The following FCN3 variants were observed in gnomAD, a reference collection of about 807,000 sequenced individuals.
FCN3 encodes the protein ficolin 3, also known as ficolin-3.
FCN3 carries 28 observed loss-of-function variants against 31.5 expected under a neutral mutation model. The ratio of observed to expected loss-of-function variants is 0.89; its 90% confidence interval spans 0.66 to 1.22. FCN3 has a LOEUF of 1.22. Ranked by LOEUF, FCN3 falls within the 50% of genes most tolerant of loss-of-function variation. FCN3 has a pLI of 0.00. For synonymous variants in FCN3, 124 were observed against 147.4 expected, an observed-to-expected ratio of 0.84 and a Z score of 1.15; for missense variants, 351 against 386.8, an observed-to-expected ratio of 0.91 and a Z score of 0.78.
Position 27,369,615 on chromosome 1 carries a change from T to C in FCN3, c.659-138A>G, listed in dbSNP as rs1330943778. On this transcript the variant is annotated intron_variant, in intron 7 of 7. Coordinates refer to ENST00000270879, the MANE Select transcript of FCN3 (RefSeq NM_003665.4). Reference sequence around the variant, plus strand: ...CCACGAGCAACACCAAGGGGCCAGGTTGTTTGCGCAGGGTTACTCGGCTGG... The same window carrying C: ...CCACGAGCAACACCAAGGGGCCAGGCTGTTTGCGCAGGGTTACTCGGCTGG... 1.4e-5 allele frequency: 11 copies of C among 779,510 alleles called. No individual in the cohort carries two copies. In the Admixed American group the frequency reaches 2.5e-4, roughly 18 times the overall value. 48.3% of individuals were successfully genotyped at this position (779,510 alleles called of 1,614,324 possible).
intron 5 of FCN3, among the ~76,000 whole-genome samples, chr1:27,371,343 A>C (rs1321313980): frequency 2.0e-5 from 3 of 152,156 alleles, no homozygotes; most frequent in Non-Finnish European, 4.4e-5. Flanking sequence ...TGGGAGGCCG[A>C]GGCGGGTGGA....
intron 7 of FCN3, among the ~76,000 whole-genome samples, chr1:27,369,734 C>A (rs996181722): frequency 6.6e-6 from 1 of 151,848 alleles, no homozygotes; most frequent in African/African-American, 2.4e-5. Flanking sequence ...CCCCGGCCCC[C>A]CTCTAGCTCC....
rs1219520463 is a variant in FCN3 at position 27,373,980 on chromosome 1, G to A, written c.217C>T (p.Pro73Ser). The A allele has an allele frequency of 6.2e-7, 1 of 1,613,586 alleles. No homozygotes were observed. Among genetic ancestry groups the A allele is most frequent in the Non-Finnish European group, 8.5e-7 (1 of 1,179,926 alleles). The change falls in exon 3 of 8, where the codon CCC (proline) becomes TCC (serine). Residue 73 changes from proline to serine, a missense_variant. Coordinates refer to ENST00000270879, the MANE Select transcript of FCN3 (RefSeq NM_003665.4). ...GPPGPPGKMG[P>S]KGEPGDPVNL... ...ACTTACTCACCTGGCTCACCCTTGG[G>A]GCCCATCTTGCCTGGTGGTCCAGGT...
intron 5 of FCN3, among the ~76,000 whole-genome samples, chr1:27,371,818 G>A (rs1174758907): frequency 1.3e-5 from 2 of 151,872 alleles, no homozygotes; most frequent in African/African-American, 2.4e-5. Flanking sequence ...GGAGTACAGT[G>A]GTGTGATCTC....
At chr1:27,374,649 G>T (rs1045351357) in intron 1 of FCN3, 79 bp downstream of exon 1, 2 of 901,230 alleles carry the variant, frequency 2.2e-6, no homozygotes, top group African/African-American at 3.4e-5. Flanking sequence ...TGCTCCTTGA[G>T]GTTGATGAGC....
rs1462553987 is a variant in FCN3 at position 27,372,835 on chromosome 1, T to C, written c.393+301A>G. ...TCTTTTCACCCAGGCTGGAGTGCAA[T>C]GGCAAGAACTCGGCTCACTGCAACC... is the stretch of plus-strand genomic sequence containing the variant. On this transcript the variant is annotated intron_variant, in intron 5 of 7. Coordinates refer to ENST00000270879, the MANE Select transcript of FCN3 (RefSeq NM_003665.4). Among the ~76,000 whole-genome samples, 3 of 141,478 alleles carry C rather than the reference T, an allele frequency of 2.1e-5. No homozygotes were observed. The Admixed American group carries it at 2.4e-4, about 11-fold the overall frequency. 92.8% of individuals were successfully genotyped at this position (141,478 alleles called of 152,430 possible).
chr1:27,370,145 T>C (rs910763221), intron 7 of FCN3, among the ~76,000 whole-genome samples: 2 of 152,076 alleles, frequency 1.3e-5, no homozygotes, highest in Non-Finnish European at 2.9e-5. Context: ...TAGCTGGGAT[T>C]ACAGGCACCC....
Position 27,373,229 on chromosome 1 carries a change from G to T in FCN3, c.300C>A (p.Gly100=). 4 of 1,614,074 alleles carry T rather than the reference G, an allele frequency of 2.5e-6. No homozygotes were observed. The highest frequency in any genetic ancestry group is 3.4e-6 in the Non-Finnish European group (4 of 1,179,990). Residue 100 remains glycine, a synonymous_variant, in exon 5 of 8, where the codon GGC becomes GGA. Coordinates refer to ENST00000270879, the MANE Select transcript of FCN3 (RefSeq NM_003665.4). ...GATGGTACCAGCCGCTCAAGGTGGCGCCCTGGCTCAACAGCTCCCGGCAGT... is the reference window on the plus strand; with the variant it reads ...GATGGTACCAGCCGCTCAAGGTGGCTCCCTGGCTCAACAGCTCCCGGCAGT... ...PRNCRELLSQ[G]ATLSGWYHLC... is the part of the protein sequence containing the mutation.
At position 27,374,727 on chromosome 1, in the gene FCN3, C is replaced by G. The variant is rs2016216517; in HGVS notation, c.91+1G>C. ...GTGAGGAGGGCACCCTAGGTGCCCA[C>G]CTGGGCAGCTGGGGTGTTCCTGGGT... is the stretch of plus-strand genomic sequence containing the variant. On this transcript the variant is annotated splice_donor_variant, in intron 1 of 7. Coordinates refer to ENST00000270879, the MANE Select transcript of FCN3 (RefSeq NM_003665.4). LOFTEE classifies it high-confidence loss of function. 2.1e-6 allele frequency: 3 copies of G among 1,409,340 alleles called. No homozygotes were observed. The East Asian group carries it at 7.9e-5, about 37-fold the overall frequency. The allele number at this position is 1,409,340 out of a possible 1,614,324, so 87.3% of individuals were successfully genotyped here. A position where few individuals can be genotyped will look rare whatever the true frequency, so the allele number is the denominator to read the frequency against.
At chr1:27,373,863 T>A in intron 3 of FCN3, 102 bp downstream of exon 3, 1 of 1,025,658 alleles carries the variant, frequency 9.7e-7, no homozygotes, top group Non-Finnish European at 1.5e-6. Context: ...CATTCCCCTG[T>A]GAGAGAGCCA....
At position 27,374,772 on chromosome 1, in the gene FCN3, C is replaced by G. The variant is rs1239128479; in HGVS notation, c.47G>C (p.Gly16Ala). The G allele has an allele frequency of 1.3e-5, 18 of 1,388,972 alleles. No homozygotes were observed. In the East Asian group the frequency reaches 4.0e-4, roughly 31 times the overall value. The allele number at this position is 1,388,972 out of a possible 1,614,324, so 86.0% of individuals were successfully genotyped here. A position where few individuals can be genotyped will look rare whatever the true frequency, so the allele number is the denominator to read the frequency against. The change falls in exon 1 of 8, where the codon GGG becomes GCG. Residue 16 changes from glycine to alanine, a missense_variant. Gly to Ala is a moderately conservative substitution (Grantham distance 60, BLOSUM62 0). Coordinates refer to ENST00000270879, the MANE Select transcript of FCN3 (RefSeq NM_003665.4). Reference sequence around the variant, plus strand: ...CTGGGTCTTCAGGCAGGCAGGCCCCCCAAGCAGGAGAAGCCACAGGGAGGG... The same window carrying G: ...CTGGGTCTTCAGGCAGGCAGGCCCCGCAAGCAGGAGAAGCCACAGGGAGGG... ...ILPSLWLLLL[G>A]GPACLKTQEH...
At position 27,370,841 on chromosome 1, in the gene FCN3, AC is replaced by A; in HGVS notation, c.523+1del. 1 of 1,613,982 alleles carries A rather than the reference AC, an allele frequency of 6.2e-7. No individual in the cohort carries two copies. On this transcript the variant is annotated splice_donor_variant, in intron 6 of 7. Transcript: ENST00000270879. LOFTEE classifies it high-confidence loss of function. ...GACTCCAGGACCCTGCTGGGAACTC[AC>A]CCTGGAGAGTAAGCTGGTGCAAATT... is the stretch of plus-strand genomic sequence containing the variant.
At chr1:27,372,993 G>T in intron 5 of FCN3, 143 bp downstream of exon 5, 1 of 1,012,856 alleles carries the variant, frequency 9.9e-7, no homozygotes, top group Non-Finnish European at 1.5e-6. Context: ...TACTTCTTCA[G>T]GTCCCATTGG....
chr1:27,369,176 A>C lies in FCN3; in HGVS notation c.*60T>G. On this transcript the variant is annotated 3_prime_UTR_variant, in exon 8 of 8. Transcript: ENST00000270879. Reference sequence around the variant, plus strand: ...CAAGCAGAGGTGGTTGGCAAAGGCAAGGTGGCTGACGATCCGGAAGCTGTA... The same window carrying C: ...CAAGCAGAGGTGGTTGGCAAAGGCACGGTGGCTGACGATCCGGAAGCTGTA... 1 of 1,593,256 alleles carries C rather than the reference A, an allele frequency of 6.3e-7. No individual in the cohort carries two copies. Among genetic ancestry groups the C allele is most frequent in the Non-Finnish European group, 8.6e-7 (1 of 1,163,770 alleles).
chr1:27,369,122 A>T lies in FCN3; in HGVS notation c.*114T>A. Reference sequence around the variant, plus strand: ...AACTGGAAGAGTCTTGAAAGGGCTAAAATGATTTTATTTTTAAATGTGGAC... The same window carrying T: ...AACTGGAAGAGTCTTGAAAGGGCTATAATGATTTTATTTTTAAATGTGGAC... On this transcript the variant is annotated 3_prime_UTR_variant, in exon 8 of 8. Transcript: ENST00000270879. 2 of 1,322,436 alleles carry T rather than the reference A, an allele frequency of 1.5e-6. No individual in the cohort carries two copies. Among genetic ancestry groups the T allele is most frequent in the Non-Finnish European group, 2.1e-6 (2 of 955,246 alleles). 81.9% of individuals were successfully genotyped at this position (1,322,436 alleles called of 1,614,324 possible). A position where few individuals can be genotyped will look rare whatever the true frequency, so the allele number is the denominator to read the frequency against.
At position 27,370,708 on chromosome 1, in the gene FCN3, C is replaced by G. The variant is rs1219799206; in HGVS notation, c.546G>C (p.Glu182Asp). ...TLQGNWELRV[E>D]LEDFNGNRTF... ...TACGGTTACCATTAAAGTCTTCCAGCTCTACCCGCAGCTCCCAGTTACCTG... is the reference window on the plus strand; with the variant it reads ...TACGGTTACCATTAAAGTCTTCCAGGTCTACCCGCAGCTCCCAGTTACCTG... Residue 182 changes from glutamate (E) to aspartate (D), a missense_variant, in exon 7 of 8, where the codon GAG becomes GAC. Coordinates refer to ENST00000270879, the MANE Select transcript of FCN3 (RefSeq NM_003665.4). The G allele has an allele frequency of 1.2e-6, 2 of 1,614,072 alleles. No individual in the cohort carries two copies. Among genetic ancestry groups the G allele is most frequent in the Admixed American group, 1.7e-5 (1 of 60,000 alleles).
rs777398635 is a variant in FCN3 at position 27,370,609 on chromosome 1, T to A, written c.645A>T (p.Ser215=). ...AGGCTCACTCACCTGCAGTGCCCTC[T>A]GAGAACTTGCCCAGTGCCAGCTGGT... ...DHYQLALGKF[S]EGTAGDSLSL... is the part of the protein sequence containing the mutation. The change falls in exon 7 of 8, where the codon TCA becomes TCT. Residue 215 remains serine (S), a synonymous_variant. Transcript: ENST00000270879. 3.1e-6 allele frequency: 5 copies of A among 1,613,986 alleles called. No homozygotes were observed. The highest frequency in any genetic ancestry group is 4.2e-6 in the Non-Finnish European group (5 of 1,179,800).
intron 5 of FCN3, among the ~76,000 whole-genome samples, chr1:27,372,734 T>A (rs1433011023): frequency 6.6e-6 from 1 of 151,596 alleles, no homozygotes; most frequent in Admixed American, 6.6e-5. Flanking sequence ...CCTCCCTGAG[T>A]TTATCTTTAC....
chr1:27,370,536 C>T, intron 7 of FCN3, 60 bp downstream of exon 7: 2 of 1,449,296 alleles, frequency 1.4e-6, no homozygotes, highest in Non-Finnish European at 1.9e-6. Flanking sequence ...TTCATGGGGG[C>T]AGTGGCAGCA....
Sources: allele counts gnomAD v4.1 joint callset (sites outside exome capture counted in the v4.1 genomes callset), GRCh38; gene constraint gnomAD v4.1.1; transcripts MANE v1.5; gene names NCBI Gene and HGNC (gene_info 2026-07-23, HGNC 2026-07-21).